Variants in PCMT1 observed in about 807,000 individuals in gnomAD.
PCMT1 encodes the protein protein-L-isoaspartate (D-aspartate) O-methyltransferase.
A neutral mutation model predicts 29.2 loss-of-function variants in PCMT1; 9 were observed. The ratio of observed to expected loss-of-function variants is 0.31; its 90% CI spans 0.19 to 0.54. The LOEUF (loss-of-function observed/expected upper bound fraction) is 0.54, where lower values mean the gene tolerates loss of function less well. Among genes scored for constraint, PCMT1 ranks in the 20% least tolerant of loss-of-function variants. PCMT1 has a pLI of 0.95. For synonymous variants in PCMT1, 98 were observed against 97.5 expected (o/e 1.00, Z -0.03); for missense variants, 184 against 282.2 (o/e 0.65, Z 2.49).
chr6:149,784,351 A>C (rs930797185), intron 3 of PCMT1, among the ~76,000 whole-genome samples: 1 of 152,180 alleles, frequency 6.6e-6, no homozygotes, highest in Non-Finnish European at 1.5e-5. Flanking sequence ...ACAACTTCTT[A>C]TTATGGAAAA....
intron 1 of PCMT1, among the ~76,000 whole-genome samples, chr6:149,756,353 C>CTT (rs5880848): frequency 0.022 from 3,186 of 141,648 alleles, 50 homozygotes; most frequent in Non-Finnish European, 0.034. Flanking sequence ...TATTCTTTCC[C>CTT]TTTTTTTTTT....
chr6:149,779,074 TGA>T (rs1484335497), intron 3 of PCMT1, among the ~76,000 whole-genome samples: 3 of 152,172 alleles, frequency 2.0e-5, no homozygotes, highest in East Asian at 3.9e-4. Context: ...GGGCCCGGGT[TGA>T]GAGAGAATAT....
chr6:149,769,128 A>G (rs897021444), intron 1 of PCMT1, among the ~76,000 whole-genome samples: 3 of 151,826 alleles, frequency 2.0e-5, no homozygotes, highest in Non-Finnish European at 2.9e-5. Flanking sequence ...TTCTTTTTAC[A>G]TTAGATTTGA....
At chr6:149,767,896 C>T (rs534897115) in intron 1 of PCMT1, among the ~76,000 whole-genome samples, 3 of 151,144 alleles carry the variant, frequency 2.0e-5, no homozygotes, top group Admixed American at 6.6e-5. Flanking sequence ...CAGGTTCAAG[C>T]GATTCTCCTG....
intron 3 of PCMT1, among the ~76,000 whole-genome samples, chr6:149,780,702 T>C (rs776753138): frequency 6.6e-6 from 1 of 152,252 alleles, no homozygotes; most frequent in Non-Finnish European, 1.5e-5. Context: ...CTGTCCTTTT[T>C]ATGACTGAAT....
intron 1 of PCMT1, among the ~76,000 whole-genome samples, chr6:149,763,170 TATG>T (rs1225375332): frequency 2.0e-5 from 1 of 48,914 alleles, no homozygotes; most frequent in South Asian, 6.2e-4. Context: ...CTATGATATC[TATG>T]ATATATATCT....
intron 5 of PCMT1, chr6:149,796,055 T>G (rs1788598561): frequency 5.4e-6 from 1 of 184,374 alleles, no homozygotes; most frequent in South Asian, 1.2e-4. Flanking sequence ...GGATAGAGGC[T>G]GGGCGCAGTG....
intron 7 of PCMT1, among the ~76,000 whole-genome samples, chr6:149,806,251 G>A (rs1055846007): frequency 3.9e-5 from 6 of 152,172 alleles, no homozygotes; most frequent in Non-Finnish European, 8.8e-5. Flanking sequence ...AAGATGAATA[G>A]GCAGTTATAG....
At chr6:149,754,082 A>G (rs150147808) in intron 1 of PCMT1, among the ~76,000 whole-genome samples, 2 of 152,352 alleles carry the variant, frequency 1.3e-5, no homozygotes, top group African/African-American at 4.8e-5. Flanking sequence ...ATAATGTTTT[A>G]GAAAAAGTCT....
At chr6:149,779,026 C>T (rs900411950) in intron 3 of PCMT1, among the ~76,000 whole-genome samples, 1 of 151,982 alleles carries the variant, frequency 6.6e-6, no homozygotes, top group African/African-American at 2.4e-5. Flanking sequence ...GAAGGTAGAA[C>T]GTAATATAGC....
intron 1 of PCMT1, among the ~76,000 whole-genome samples, chr6:149,753,142 TG>T (rs1240148515): frequency 6.6e-6 from 1 of 152,180 alleles, no homozygotes; most frequent in Non-Finnish European, 1.5e-5. Context: ...AAGTAATACT[TG>T]CTCATGTGAA....
At chr6:149,758,972 G>A (rs774417747) in intron 1 of PCMT1, among the ~76,000 whole-genome samples, 16 of 152,048 alleles carry the variant, frequency 1.1e-4, no homozygotes, top group Non-Finnish European at 1.5e-4. Flanking sequence ...CACCTTGTGG[G>A]TTCAAGTGAT....
intron 3 of PCMT1, among the ~76,000 whole-genome samples, chr6:149,785,843 A>G (rs1219410546): frequency 1.6e-4 from 25 of 152,106 alleles, no homozygotes; most frequent in African/African-American, 4.8e-4. Context: ...CGATTTCTCA[A>G]TCTCTTCCCC....
At chr6:149,786,678 G>T (rs1014958037) in intron 3 of PCMT1, among the ~76,000 whole-genome samples, 2 of 151,102 alleles carry the variant, frequency 1.3e-5, no homozygotes, top group African/African-American at 2.4e-5. Context: ...TCCCAGACGG[G>T]GTCGCGGCCG....
At chr6:149,805,435 T>C (rs1222217931) in intron 7 of PCMT1, among the ~76,000 whole-genome samples, 2 of 141,250 alleles carry the variant, frequency 1.4e-5, no homozygotes, top group Admixed American at 7.2e-5. Context: ...CTCCTAAAAA[T>C]ACAAAAAAAT....
At chr6:149,806,615 A>T (rs1236424199) in intron 7 of PCMT1, among the ~76,000 whole-genome samples, 1 of 152,114 alleles carries the variant, frequency 6.6e-6, no homozygotes, top group Non-Finnish European at 1.5e-5. Flanking sequence ...GTTTTGATAC[A>T]GTCTCTCTCT....
intron 3 of PCMT1, among the ~76,000 whole-genome samples, chr6:149,775,489 A>G (rs937591161): frequency 6.6e-6 from 1 of 152,106 alleles, no homozygotes; most frequent in Non-Finnish European, 1.5e-5. Flanking sequence ...GAATATCGCT[A>G]GAAGCCAGGA....
At chr6:149,768,676 G>A (rs2115244655) in intron 1 of PCMT1, among the ~76,000 whole-genome samples, 1 of 151,574 alleles carries the variant, frequency 6.6e-6, no homozygotes, top group East Asian at 1.9e-4. Context: ...GCTCATGCTT[G>A]AGTGCAGTGG....
In PCMT1 at chr6:149,790,229, C is replaced by A. The variant is rs116323188; in HGVS notation, c.297+171C>A. On this transcript the variant is annotated intron_variant, in intron 4 of 7. Transcript: ENST00000464889. ...TTGTTGTTGCAAGTGACAGAACATG[C>A]AACCCAAACTGGCAGAGCTAAAAGG... Among the ~76,000 whole-genome samples, 441 of 152,312 alleles carry A rather than the reference C, an allele frequency of 2.9e-3. 3 individuals carry two copies. The highest frequency in any genetic ancestry group is 9.9e-3 in the African/African-American group (412 of 41,562).
Sources: gnomAD v4.1 joint callset for allele counts (sites outside exome capture counted in the v4.1 genomes callset) on GRCh38, gnomAD v4.1.1 for gene constraint, MANE v1.5 for transcripts, NCBI Gene and HGNC (gene_info 2026-07-23, HGNC 2026-07-21) for gene names.